FAT3: variants seen among roughly 807,000 people sequenced by gnomAD.
FAT3 encodes the protein protocadherin Fat 3.
Under a neutral mutation model 310.2 loss-of-function variants are expected in FAT3, and 95 were observed. The ratio of observed to expected loss-of-function variants is 0.31; its 90% CI spans 0.26 to 0.36. The LOEUF is 0.36. Among genes scored for constraint, FAT3 ranks in the 10% least tolerant of loss-of-function variants. FAT3 has a pLI of 1.00. For missense variants in FAT3, 5,408 were observed against 5,715.6 expected (o/e 0.95, Z 1.74); for synonymous variants, 2,314 against 2,192.9 (o/e 1.06, Z -1.54).
At chr11:92,599,363 C>T (rs1422239704) in intron 3 of FAT3, among the ~76,000 whole-genome samples, 2 of 152,128 alleles carry the variant, frequency 1.3e-5, no homozygotes, top group Non-Finnish European at 2.9e-5. Context: ...ACCACCAGAT[C>T]TTGGGAGAAC....
chr11:92,877,204 C>A (rs917863501), intron 22 of FAT3, among the ~76,000 whole-genome samples: 1 of 152,038 alleles, frequency 6.6e-6, no homozygotes, highest in Non-Finnish European at 1.5e-5. Flanking sequence ...TAGAAGGGAC[C>A]GAATTCCCAA....
rs140155432 is a variant in FAT3, at chr11:92,373,227, T to G, written c.3292+17823T>G. Among the ~76,000 whole-genome samples, 191 of 152,306 alleles carry G rather than the reference T, an allele frequency of 1.3e-3. 1 individual carries two copies. Among genetic ancestry groups the G allele is most frequent in the African/African-American group, 4.3e-3 (179 of 41,578 alleles). ...TAGTACTTACTGAGAGCATGCTATC[T>G]GCTAGATACTCTGTAAGTTGTTTAA... On this transcript the variant is annotated intron_variant, in intron 2 of 27. Transcript: ENST00000525166.
At chr11:92,545,179 G>C (rs1171933029) in intron 3 of FAT3, among the ~76,000 whole-genome samples, 1 of 152,000 alleles carries the variant, frequency 6.6e-6, no homozygotes, top group African/African-American at 2.4e-5. Context: ...CATGTAACTG[G>C]TCCCCTAGTT....
intron 2 of FAT3, among the ~76,000 whole-genome samples, chr11:92,507,890 C>G (rs184042346): frequency 1.4e-4 from 22 of 152,068 alleles, no homozygotes; most frequent in Non-Finnish European, 3.1e-4. Flanking sequence ...ACCGAATCAA[C>G]CAAACCTAAT....
chr11:92,391,351 T>G (rs1470649925), intron 2 of FAT3, among the ~76,000 whole-genome samples: 1 of 152,128 alleles, frequency 6.6e-6, no homozygotes, highest in Non-Finnish European at 1.5e-5. Context: ...CCTCCCCAAG[T>G]GTTTCTAGCT....
intron 2 of FAT3, among the ~76,000 whole-genome samples, chr11:92,361,688 A>G (rs1255103236): frequency 2.6e-5 from 4 of 152,242 alleles, no homozygotes; most frequent in African/African-American, 4.8e-5. Context: ...TTTTATAGCA[A>G]CTTAAACTGA....
chr11:92,624,650 A>G (rs534464955), intron 3 of FAT3, among the ~76,000 whole-genome samples: 1 of 152,282 alleles, frequency 6.6e-6, no homozygotes, highest in South Asian at 2.1e-4. Context: ...ATTAGATACA[A>G]TCAGTGGGAC....
chr11:92,338,476 G>A (rs1384550229), intron 1 of FAT3, among the ~76,000 whole-genome samples: 1 of 152,036 alleles, frequency 6.6e-6, no homozygotes, highest in Non-Finnish European at 1.5e-5. Flanking sequence ...TCACAATGCG[G>A]GGCAGGATTT....
At chr11:92,618,423 A>T (rs1354774144) in intron 3 of FAT3, among the ~76,000 whole-genome samples, 1 of 152,116 alleles carries the variant, frequency 6.6e-6, no homozygotes, top group Non-Finnish European at 1.5e-5. Context: ...GACCCCTTGC[A>T]CTTCCAGGGT....
At chr11:92,716,333 T>G (rs1286749169) in intron 4 of FAT3, among the ~76,000 whole-genome samples, 3 of 152,218 alleles carry the variant, frequency 2.0e-5, no homozygotes, top group Non-Finnish European at 4.4e-5. Flanking sequence ...TTCTTCCCTT[T>G]AAATGAAGTG....
At chr11:92,705,900 G>GTGTTGGTGGTGGT (rs1944324777) in intron 4 of FAT3, among the ~76,000 whole-genome samples, 1 of 46,616 alleles carries the variant, frequency 2.1e-5, no homozygotes, top group African/African-American at 7.8e-5. Flanking sequence ...TGATGGTGGT[G>GTGTTGGTGGTGGT]GTGATGGTGG....
intron 13 of FAT3, among the ~76,000 whole-genome samples, chr11:92,817,909 A>G (rs936676085): frequency 5.3e-5 from 8 of 152,154 alleles, no homozygotes; most frequent in African/African-American, 1.9e-4. Flanking sequence ...ACTTAGGAAG[A>G]AAAGCTTGGA....
At chr11:92,493,417 T>C (rs921725061) in intron 2 of FAT3, among the ~76,000 whole-genome samples, 4 of 152,090 alleles carry the variant, frequency 2.6e-5, no homozygotes, top group African/African-American at 9.7e-5. Flanking sequence ...GACTGAACTC[T>C]GCCTAGAACT....
At chr11:92,663,745 C>T (rs186576935) in intron 3 of FAT3, among the ~76,000 whole-genome samples, 49 of 152,294 alleles carry the variant, frequency 3.2e-4, no homozygotes, top group East Asian at 1.7e-3. Flanking sequence ...CTCATTTCCT[C>T]TTACTCATTG....
chr11:92,486,872 C>G (rs1464581795), intron 2 of FAT3, among the ~76,000 whole-genome samples: 1 of 152,134 alleles, frequency 6.6e-6, no homozygotes, highest in Non-Finnish European at 1.5e-5. Context: ...AGATCTTGCT[C>G]AGTGTCCCAC....
At chr11:92,690,350 A>G (rs1437492408) in intron 3 of FAT3, among the ~76,000 whole-genome samples, 2 of 152,206 alleles carry the variant, frequency 1.3e-5, no homozygotes, top group African/African-American at 2.4e-5. Flanking sequence ...AGAAATCTCT[A>G]TTTATGAAGA....
intron 5 of FAT3, among the ~76,000 whole-genome samples, chr11:92,764,057 G>A (rs1226672742): frequency 6.6e-6 from 1 of 151,766 alleles, no homozygotes; most frequent in Non-Finnish European, 1.5e-5. Context: ...GTTTTGCTTT[G>A]GCTTTTGCTT....
At chr11:92,774,283 G>A (rs1005329364) in intron 7 of FAT3, 103 bp downstream of exon 7, 148 of 1,251,996 alleles carry the variant, frequency 1.2e-4, no homozygotes, top group Non-Finnish European at 1.4e-4. Flanking sequence ...AAATTATGTC[G>A]ACGGTTTTCT....
chr11:92,692,605 C>T (rs1943827304), intron 3 of FAT3, among the ~76,000 whole-genome samples: 1 of 152,140 alleles, frequency 6.6e-6, no homozygotes. Context: ...TAATTACATG[C>T]AACATGCCAG....
Sources: allele counts gnomAD v4.1 joint callset (sites outside exome capture counted in the v4.1 genomes callset), GRCh38; gene constraint gnomAD v4.1.1; transcripts MANE v1.5; gene names NCBI Gene and HGNC (gene_info 2026-07-23, HGNC 2026-07-21).